The following MMP16 variants were observed in gnomAD, a reference collection of about 807,000 sequenced individuals.
The protein encoded by MMP16 is matrix metalloproteinase-16.
Under a neutral mutation model 67.8 loss-of-function variants are expected in MMP16, and 12 were observed. That is an observed-to-expected ratio of 0.18 (90% CI 0.11 to 0.29). MMP16 has a LOEUF of 0.29. MMP16 is among the 10% of genes least tolerant of loss of function. The pLI, the probability that MMP16 is intolerant of heterozygous loss-of-function variation, is 1.00. For synonymous variants in MMP16, 249 were observed against 255.9 expected, an observed-to-expected ratio of 0.97 and a Z score of 0.26; for missense variants, 475 against 765.7, an observed-to-expected ratio of 0.62 and a Z score of 4.48.
chr8:88,222,400 C>T (rs1000963634), intron 1 of MMP16, among the ~76,000 whole-genome samples: 1 of 152,128 alleles, frequency 6.6e-6, no homozygotes, highest in Admixed American at 6.5e-5. Context: ...TAATCCTAAG[C>T]AAAAAGAACA....
In MMP16 at chr8:88,307,905, G is replaced by A. The variant is rs192671959; in HGVS notation, c.132+19170C>T. ...ATTTATAAATAGATGAAAGTCGCTT[G>A]GTAATTATATCAGAAGATCCTATTC... On this transcript the variant is annotated intron_variant, in intron 1 of 9. Transcript: ENST00000286614. 2.3e-3 allele frequency among the ~76,000 whole-genome samples: 356 copies of A among 152,008 alleles called. 2 individuals carry two copies. In the Middle Eastern group the frequency reaches 0.027, roughly 12 times the overall value.
chr8:88,144,188 T>C (rs1808255495), intron 4 of MMP16, among the ~76,000 whole-genome samples: 1 of 152,030 alleles, frequency 6.6e-6, no homozygotes, highest in African/African-American at 2.4e-5. Flanking sequence ...CTTGTTAGTA[T>C]TTCCTTCGTC....
chr8:88,262,846 C>CAAAA lies in MMP16; in HGVS notation c.132+64225_132+64228dup, dbSNP rs71277991. 5.2e-4 allele frequency among the ~76,000 whole-genome samples: 28 copies of CAAAA among 53,468 alleles called. 2 individuals are homozygous for CAAAA. The highest frequency in any genetic ancestry group is 1.4e-3 in the South Asian group (1 of 738). 35.1% of individuals were successfully genotyped at this position (53,468 alleles called of 152,430 possible). ...TGAAACCCCGTCTCTACTAAAAATA[C>CAAAA]AAAAAAAAAAAAAAAAAAAAAAAAA... is the stretch of plus-strand genomic sequence containing the variant. On this transcript the variant is annotated intron_variant, in intron 1 of 9. Transcript: ENST00000286614.
chr8:88,263,047 T>C (rs1810415013), intron 1 of MMP16, among the ~76,000 whole-genome samples: 1 of 134,398 alleles, frequency 7.4e-6, no homozygotes, highest in African/African-American at 3.1e-5. Context: ...AATAAATAAA[T>C]AAAATAAAAA....
chr8:88,275,463 C>T (rs979334754), intron 1 of MMP16, among the ~76,000 whole-genome samples: 1 of 151,746 alleles, frequency 6.6e-6, no homozygotes, highest in East Asian at 1.9e-4. Flanking sequence ...TTTTCAGGAT[C>T]CCTTTCATCT....
chr8:88,142,176 C>T (rs773260542), intron 4 of MMP16, among the ~76,000 whole-genome samples: 1 of 151,918 alleles, frequency 6.6e-6, no homozygotes, highest in Non-Finnish European at 1.5e-5. Context: ...TCCCAAAGTG[C>T]TAGGATTACA....
intron 1 of MMP16, among the ~76,000 whole-genome samples, chr8:88,312,859 T>C (rs1462328230): frequency 6.6e-6 from 1 of 151,976 alleles, no homozygotes; most frequent in Non-Finnish European, 1.5e-5. Flanking sequence ...TCCCAGCCAC[T>C]TGGGAGGCTG....
chr8:88,199,664 TC>T (rs1809310559), intron 1 of MMP16, among the ~76,000 whole-genome samples: 2 of 152,150 alleles, frequency 1.3e-5, no homozygotes, highest in South Asian at 4.1e-4. Context: ...AGTCTTTGCA[TC>T]TTTTTCACTG....
At chr8:88,079,155 A>T (rs558872156) in intron 6 of MMP16, among the ~76,000 whole-genome samples, 4 of 152,206 alleles carry the variant, frequency 2.6e-5, no homozygotes, top group Non-Finnish European at 4.4e-5. Flanking sequence ...TTGACAGAGG[A>T]AAGCTCTTTT....
intron 4 of MMP16, among the ~76,000 whole-genome samples, chr8:88,123,736 C>A (rs934448495): frequency 2.0e-5 from 3 of 151,818 alleles, no homozygotes; most frequent in Non-Finnish European, 4.4e-5. Context: ...GTATTTACAT[C>A]CTGGGGGCAC....
rs1171501301 is a variant in MMP16, at chr8:88,033,950, ATAAT to A, written c.*7507_*7510del. Reference sequence around the variant, plus strand: ...CACTATACTGTGACTACTTTCCTGTATAATTATTTAAGATACATTCTCCAAAAGC... The same window carrying A: ...CACTATACTGTGACTACTTTCCTGTATATTTAAGATACATTCTCCAAAAGC... On this transcript the variant is annotated 3_prime_UTR_variant, in exon 10 of 10. Coordinates refer to ENST00000286614, the MANE Select transcript of MMP16 (RefSeq NM_005941.5). 1 of 152,102 alleles carries A rather than the reference ATAAT, an allele frequency of 6.6e-6. No individual in the cohort carries two copies. Among genetic ancestry groups the A allele is most frequent in the Non-Finnish European group, 1.5e-5 (1 of 67,962 alleles). 9.4% of individuals were successfully genotyped at this position (152,102 alleles called of 1,614,324 possible).
At chr8:88,277,879 C>T (rs1356099541) in intron 1 of MMP16, among the ~76,000 whole-genome samples, 1 of 152,198 alleles carries the variant, frequency 6.6e-6, no homozygotes, top group Middle Eastern at 3.2e-3. Context: ...CCTACCTCAA[C>T]AGTAGGTGTT....
intron 2 of MMP16, among the ~76,000 whole-genome samples, chr8:88,194,995 A>G (rs890610876): frequency 3.3e-5 from 5 of 152,096 alleles, no homozygotes; most frequent in Non-Finnish European, 7.4e-5. Context: ...CACTGACACC[A>G]TCATTTTTAC....
chr8:88,071,079 C>T (rs1808545352), intron 7 of MMP16, among the ~76,000 whole-genome samples: 2 of 152,084 alleles, frequency 1.3e-5, no homozygotes, highest in Non-Finnish European at 2.9e-5. Context: ...ACAACTCCCA[C>T]TTCATATGAT....
chr8:88,042,134 A>G (rs1260178747), intron 9 of MMP16, among the ~76,000 whole-genome samples: 1 of 152,200 alleles, frequency 6.6e-6, no homozygotes, highest in Non-Finnish European at 1.5e-5. Context: ...TTGCTGTTAC[A>G]AAATTACATA....
intron 1 of MMP16, among the ~76,000 whole-genome samples, chr8:88,269,784 C>T (rs867287901): frequency 1.2e-4 from 19 of 152,100 alleles, no homozygotes; most frequent in Middle Eastern, 3.2e-3. Flanking sequence ...AAAATATTTT[C>T]GTATTACTGT....
chr8:88,319,797 A>G (rs894685720), intron 1 of MMP16, among the ~76,000 whole-genome samples: 1 of 152,176 alleles, frequency 6.6e-6, no homozygotes. Flanking sequence ...CGGGGCTAAA[A>G]CAAATACTAT....
intron 6 of MMP16, among the ~76,000 whole-genome samples, chr8:88,080,802 T>G (rs925607980): frequency 2.0e-5 from 3 of 152,048 alleles, no homozygotes; most frequent in Non-Finnish European, 4.4e-5. Flanking sequence ...GTGTTGAAAA[T>G]TAAGCTGTTT....
chr8:88,207,956 C>A (rs1485144998), intron 1 of MMP16, among the ~76,000 whole-genome samples: 1 of 152,014 alleles, frequency 6.6e-6, no homozygotes, highest in East Asian at 1.9e-4. Flanking sequence ...GAATTAAATG[C>A]CAGGAAAGGA....
Sources: gnomAD v4.1 joint callset for allele counts (sites outside exome capture counted in the v4.1 genomes callset) on GRCh38, gnomAD v4.1.1 for gene constraint, MANE v1.5 for transcripts, NCBI Gene and HGNC (gene_info 2026-07-23, HGNC 2026-07-21) for gene names.